PPARA: variants seen among roughly 807,000 people sequenced by gnomAD.
The protein encoded by PPARA is peroxisome proliferator activated receptor alpha, also known as peroxisome proliferator-activated receptor alpha.
Under a neutral mutation model 42.2 loss-of-function variants are expected in PPARA, and 22 were observed. That is an observed-to-expected ratio of 0.52 (90% CI 0.37 to 0.74). The LOEUF is 0.74. PPARA is among the 30% of genes least tolerant of loss of function. The pLI is 0.00. For synonymous variants in PPARA, 242 were observed against 239.3 expected (o/e 1.01, Z -0.10); for missense variants, 465 against 608.2 (o/e 0.76, Z 2.48).
intron 3 of PPARA, among the ~76,000 whole-genome samples, chr22:46,177,431 T>C (rs958069459): frequency 1.4e-4 from 19 of 136,938 alleles, no homozygotes; most frequent in Admixed American, 1.2e-3. Flanking sequence ...GCCACTGCAC[T>C]CCAGCCTGGG....
At chr22:46,168,712 C>T (rs1303236998) in intron 2 of PPARA, among the ~76,000 whole-genome samples, 1 of 151,874 alleles carries the variant, frequency 6.6e-6, no homozygotes, top group Non-Finnish European at 1.5e-5. Context: ...AATGCAAGTT[C>T]ATAGACATCT....
chr22:46,183,502 G>A lies in PPARA; in HGVS notation c.-43+6666G>A, dbSNP rs748176218. Among the ~76,000 whole-genome samples, 4 of 152,200 alleles carry A rather than the reference G, an allele frequency of 2.6e-5. No homozygotes were observed. Among genetic ancestry groups the A allele is most frequent in the Non-Finnish European group, 5.9e-5 (4 of 68,036 alleles). Reference sequence around the variant, plus strand: ...CACGCCAGTAGTCCCAGCACTTTGCGGGGCCCAGGAGGGCAGATCACTTGA... The same window carrying A: ...CACGCCAGTAGTCCCAGCACTTTGCAGGGCCCAGGAGGGCAGATCACTTGA... On this transcript the variant is annotated intron_variant, in intron 3 of 8. Coordinates refer to ENST00000407236, the MANE Select transcript of PPARA (RefSeq NM_005036.6). The surrounding 1 kb of genome is among the most constrained non-coding windows in gnomAD (Gnocchi z 5.5).
chr22:46,209,219 C>G (rs1347477613), intron 4 of PPARA, among the ~76,000 whole-genome samples: 1 of 152,140 alleles, frequency 6.6e-6, no homozygotes, highest in Non-Finnish European at 1.5e-5. Flanking sequence ...GCTTGCCAAC[C>G]ACTTGTTATC....
In PPARA at chr22:46,167,322, T is replaced by C. The variant is rs1207172121; in HGVS notation, c.-126-9431T>C. Among the ~76,000 whole-genome samples, 1 of 151,784 alleles carries C rather than the reference T, an allele frequency of 6.6e-6. No homozygotes were observed. The highest frequency in any genetic ancestry group is 1.5e-5 in the Non-Finnish European group (1 of 67,978). On this transcript the variant is annotated intron_variant, in intron 2 of 8. Transcript: ENST00000407236. This position sits in a 1 kb window ranked among gnomAD's most constrained non-coding sequence, Gnocchi z 4.1. The stretch of plus-strand genomic sequence containing the variant: ...TATTATATGATACTGTTATGTCATA[T>C]AATTATTATTGAAATGGGTCATAGA...
intron 7 of PPARA, 108 bp downstream of exon 7, chr22:46,220,122 C>A: frequency 7.8e-7 from 1 of 1,287,062 alleles, no homozygotes; most frequent in Non-Finnish European, 1.1e-6. Context: ...ATTTATCCCA[C>A]AGTTAAGCAA....
intron 4 of PPARA, among the ~76,000 whole-genome samples, chr22:46,201,178 GAC>G (rs1932818055): frequency 6.7e-6 from 1 of 149,490 alleles, no homozygotes. Context: ...CAGCCAGAAA[GAC>G]ACAGAGCCGG....
At position 46,193,368 on chromosome 22, in the gene PPARA, T is replaced by C. The variant is rs1931816154; in HGVS notation, c.-42-4974T>C. Among the ~76,000 whole-genome samples the C allele has an allele frequency of 6.6e-6, 1 of 152,062 alleles. No homozygotes were observed. ...GGCGTGAGCCACCGCACCTGGCCACTGTTTGATAGCATAATAGGGCGACTA... is the reference window on the plus strand; with the variant it reads ...GGCGTGAGCCACCGCACCTGGCCACCGTTTGATAGCATAATAGGGCGACTA... On this transcript the variant is annotated intron_variant, in intron 3 of 8. Coordinates refer to ENST00000407236, the MANE Select transcript of PPARA (RefSeq NM_005036.6). This position sits in a 1 kb window ranked among gnomAD's most constrained non-coding sequence, Gnocchi z 5.3.
chr22:46,169,816 A>G (rs1465730062), intron 2 of PPARA, among the ~76,000 whole-genome samples: 2 of 151,988 alleles, frequency 1.3e-5, no homozygotes, highest in Non-Finnish European at 2.9e-5. Flanking sequence ...ACAGCTCAGT[A>G]TTAGGAAGGT....
intron 2 of PPARA, 133 bp downstream of exon 2, chr22:46,152,103 C>A (rs1569177056): frequency 6.7e-6 from 1 of 150,050 alleles, no homozygotes; most frequent in Non-Finnish European, 1.5e-5. Context: ...CGTTTTCAGA[C>A]TGAAAGTAAA....
At chr22:46,198,992 C>T (rs1357396251) in intron 4 of PPARA, among the ~76,000 whole-genome samples, 4 of 152,142 alleles carry the variant, frequency 2.6e-5, no homozygotes, top group African/African-American at 9.7e-5. Flanking sequence ...AAAGAAGTCA[C>T]ACTTTTTTGC....
Position 46,233,261 on chromosome 22 carries a change from G to T in PPARA, c.1159+1022G>T, listed in dbSNP as rs903143602. Among the ~76,000 whole-genome samples, 5 of 152,068 alleles carry T rather than the reference G, an allele frequency of 3.3e-5. No homozygotes were observed. The highest frequency in any genetic ancestry group is 5.9e-5 in the Non-Finnish European group (4 of 68,004). ...TGGCAGTGACTGCAAGGTTTGCTTT[G>T]CCCGAGGAAGCAGATCCCAGGGAAG... On this transcript the variant is annotated intron_variant, in intron 8 of 8. Coordinates refer to ENST00000407236, the MANE Select transcript of PPARA (RefSeq NM_005036.6). This position sits in a 1 kb window ranked among gnomAD's most constrained non-coding sequence, Gnocchi z 7.3.
intron 4 of PPARA, among the ~76,000 whole-genome samples, chr22:46,207,677 ATTTTTTTTT>A (rs764662561): frequency 2.0e-5 from 1 of 50,724 alleles, no homozygotes; most frequent in Admixed American, 3.6e-4. Flanking sequence ...TATTATTATT[ATTTTTTTTT>A]TTTTTTTTTT....
intron 2 of PPARA, among the ~76,000 whole-genome samples, chr22:46,169,400 A>C (rs1202294428): frequency 2.6e-5 from 4 of 151,824 alleles, no homozygotes; most frequent in African/African-American, 4.8e-5. Context: ...ACGCCCGGCT[A>C]ATTTTTTGTA....
rs1339870752 is a variant in PPARA at position 46,171,770 on chromosome 22, G to A, written c.-126-4983G>A. On this transcript the variant is annotated intron_variant, in intron 2 of 8. Coordinates refer to ENST00000407236, the MANE Select transcript of PPARA (RefSeq NM_005036.6). This position sits in a 1 kb window ranked among gnomAD's most constrained non-coding sequence, Gnocchi z 5.0. ...CCAGGGGAGAGGCAGGACCAGTCTC[G>A]TGGAGGTCGGGGCCGTTGTGAGGAC... Among the ~76,000 whole-genome samples, 3 of 152,204 alleles carry A rather than the reference G, an allele frequency of 2.0e-5. No individual in the cohort carries two copies. Among genetic ancestry groups the A allele is most frequent in the Admixed American group, 6.5e-5 (1 of 15,282 alleles).
At chr22:46,220,098 G>A in intron 7 of PPARA, 84 bp downstream of exon 7, 1 of 1,455,778 alleles carries the variant, frequency 6.9e-7, no homozygotes, top group Middle Eastern at 1.7e-4. Context: ...TGTGTTGAAT[G>A]TTGAGAAAAT....
At position 46,231,862 on chromosome 22, in the gene PPARA, A is replaced by G. The variant is rs765384102; in HGVS notation, c.782A>G (p.Asn261Ser). The change falls in exon 8 of 9, where the codon AAT (asparagine) becomes AGT (serine). Residue 261 changes from asparagine to serine, a missense_variant. Asn to Ser is a conservative substitution (Grantham distance 46). Transcript: ENST00000407236. The surrounding 1 kb of genome is among the most constrained non-coding windows in gnomAD (Gnocchi z 7.7). ...ACGCTGGTGGCCAAGCTGGTGGCCA[A>G]TGGCATCCAGAACAAGGAGGCGGAG... ...EKTLVAKLVA[N>S]GIQNKEAEVR... is the part of the protein sequence containing the mutation. The G allele has an allele frequency of 3.1e-6, 5 of 1,614,162 alleles. No homozygotes were observed. The highest frequency in any genetic ancestry group is 1.1e-5 in the South Asian group (1 of 91,086).
rs1212489030 is a variant in PPARA at position 46,182,014 on chromosome 22, A to T, written c.-43+5178A>T. Among the ~76,000 whole-genome samples the T allele has an allele frequency of 6.6e-6, 1 of 152,062 alleles. No homozygotes were observed. The highest frequency in any genetic ancestry group is 1.9e-4 in the East Asian group (1 of 5,186). On this transcript the variant is annotated intron_variant, in intron 3 of 8. Transcript: ENST00000407236. This position sits in a 1 kb window ranked among gnomAD's most constrained non-coding sequence, Gnocchi z 5.2. ...CCACCACGCCTGGCTAATTTTTTTA[A>T]ATTTTATTTTTAGTAGAGACGGGGT...
intron 4 of PPARA, among the ~76,000 whole-genome samples, chr22:46,199,062 C>T (rs1054801919): frequency 1.1e-4 from 17 of 152,150 alleles, no homozygotes; most frequent in African/African-American, 4.1e-4. Flanking sequence ...CTGGAAGGCG[C>T]GTGTCACGGC....
At chr22:46,181,097 C>T (rs1255281124) in intron 3 of PPARA, among the ~76,000 whole-genome samples, 2 of 152,034 alleles carry the variant, frequency 1.3e-5, no homozygotes, top group African/African-American at 2.4e-5. Context: ...GAGAGTAGCT[C>T]ACTGATTCAG....
Sources: allele counts gnomAD v4.1 joint callset (sites outside exome capture counted in the v4.1 genomes callset), GRCh38; gene constraint gnomAD v4.1.1; non-coding constraint Gnocchi (gnomAD v3.1); transcripts MANE v1.5; gene names NCBI Gene and HGNC (gene_info 2026-07-23, HGNC 2026-07-21).